The following RETREG1 variants were observed in gnomAD, a reference collection of about 807,000 sequenced individuals.
RETREG1 encodes reticulophagy regulator 1, also known as family with sequence similarity 134 member B.
In RETREG1, 44 loss-of-function variants were observed where a neutral mutation model predicts 54.8. The ratio of observed to expected loss-of-function variants is 0.80; its 90% CI spans 0.63 to 1.03. The LOEUF is 1.03. Among genes scored for constraint, RETREG1 ranks in the 50% least tolerant of loss-of-function variants. RETREG1 has a pLI of 0.00. For missense variants in RETREG1, 554 were observed against 605.1 expected (o/e 0.92, Z 0.89); for synonymous variants, 217 against 238.5 (o/e 0.91, Z 0.83).
At chr5:16,508,556 C>T (rs753957509) in intron 3 of RETREG1, 26 of 1,603,294 alleles carry the variant, frequency 1.6e-5, no homozygotes, top group Admixed American at 5.0e-5. Flanking sequence ...AGAATAAGTA[C>T]GTACGTATAT....
intron 3 of RETREG1, among the ~76,000 whole-genome samples, chr5:16,527,025 A>G (rs1740734360): frequency 6.6e-6 from 1 of 152,250 alleles, no homozygotes; most frequent in Non-Finnish European, 1.5e-5. Flanking sequence ...CAACTCTGCA[A>G]GGTGTGGGCT....
At chr5:16,584,656 C>T (rs756994757) in intron 1 of RETREG1, among the ~76,000 whole-genome samples, 2 of 152,178 alleles carry the variant, frequency 1.3e-5, no homozygotes, top group Non-Finnish European at 2.9e-5. Context: ...TTCAGAGTTT[C>T]AACTAAAGTT....
chr5:16,555,620 G>A (rs1561118693), intron 3 of RETREG1, among the ~76,000 whole-genome samples: 6 of 152,152 alleles, frequency 3.9e-5, no homozygotes. Flanking sequence ...TAATTTCTAG[G>A]TGATGAGTCT....
intron 3 of RETREG1, among the ~76,000 whole-genome samples, chr5:16,522,322 G>A (rs79030032): frequency 0.04 from 6,103 of 152,082 alleles, 416 homozygotes; most frequent in African/African-American, 0.14. Flanking sequence ...TGCCTCAGTC[G>A]CTGTCTGGAG....
intron 3 of RETREG1, among the ~76,000 whole-genome samples, chr5:16,534,884 T>G (rs1037865404): frequency 1.3e-5 from 2 of 152,204 alleles, no homozygotes; most frequent in Non-Finnish European, 2.9e-5. Context: ...AATCACTCAT[T>G]CATTCATCGG....
At chr5:16,608,124 C>T (rs529404672) in intron 1 of RETREG1, among the ~76,000 whole-genome samples, 49 of 152,300 alleles carry the variant, frequency 3.2e-4, no homozygotes, top group Non-Finnish European at 6.0e-4. Flanking sequence ...AGGTGATATG[C>T]CCACCTCAGC....
At chr5:16,529,313 A>G (rs1253707110) in intron 3 of RETREG1, among the ~76,000 whole-genome samples, 1 of 152,198 alleles carries the variant, frequency 6.6e-6, no homozygotes, top group Non-Finnish European at 1.5e-5. Context: ...TTGACCAAAA[A>G]ATAAGTTATA....
chr5:16,582,563 C>G (rs2126325371), intron 1 of RETREG1, among the ~76,000 whole-genome samples: 1 of 151,514 alleles, frequency 6.6e-6, no homozygotes, highest in East Asian at 1.9e-4. Flanking sequence ...TCCTTATGCT[C>G]AGAGACAAAG....
intron 3 of RETREG1, among the ~76,000 whole-genome samples, chr5:16,498,385 G>C (rs1739556717): frequency 6.6e-6 from 1 of 152,150 alleles, no homozygotes; most frequent in Admixed American, 6.5e-5. Context: ...TCTAAACATA[G>C]AAAAGGTACA....
Position 16,475,229 on chromosome 5 carries a change from C to A in RETREG1, c.1006G>T (p.Asp336Tyr). The change falls in exon 9 of 9, where the codon GAC becomes TAC. Residue 336 changes from aspartate (D) to tyrosine (Y), a missense_variant. By Grantham distance (160) the Asp-to-Tyr change is radical (BLOSUM62 -3). Coordinates refer to ENST00000306320, the MANE Select transcript of RETREG1 (RefSeq NM_001034850.3). ...GAGAAAACTTCCTCACTGGGTCGGT[C>A]AAGATCTGTGAAATGGATAACAGAA... ...TPQTDTSDDL[D>Y]RPSEEVFSRD... The A allele has an allele frequency of 6.2e-7, 1 of 1,611,694 alleles. No homozygotes were observed. Among genetic ancestry groups the A allele is most frequent in the South Asian group, 1.1e-5 (1 of 91,018 alleles).
chr5:16,492,995 G>A (rs958910221), intron 3 of RETREG1, among the ~76,000 whole-genome samples: 7 of 152,180 alleles, frequency 4.6e-5, no homozygotes, highest in Admixed American at 1.3e-4. Context: ...ACCAGAAGGC[G>A]CCAGTGAGTG....
rs1313751239 is a variant in RETREG1 at position 16,474,364 on chromosome 5, G to T, written c.*377C>A. ...CACAATTAATTGTTAATATTTTTCA[G>T]TAAGTTACAATAAACTGTTTTGCAT... On this transcript the variant is annotated 3_prime_UTR_variant, in exon 9 of 9. Transcript: ENST00000306320. The T allele has an allele frequency of 5.2e-4, 94 of 181,186 alleles. No individual in the cohort carries two copies. Among genetic ancestry groups the T allele is most frequent in the Non-Finnish European group, 8.1e-5 (7 of 86,658 alleles). The allele number at this position is 181,186 out of a possible 1,614,324, so 11.2% of individuals were successfully genotyped here.
At chr5:16,606,776 G>C (rs1444907766) in intron 1 of RETREG1, among the ~76,000 whole-genome samples, 1 of 152,118 alleles carries the variant, frequency 6.6e-6, no homozygotes, top group Non-Finnish European at 1.5e-5. Flanking sequence ...ATGTGCTCCT[G>C]CAATGGTGTC....
chr5:16,566,417 C>T (rs1476786054), intron 2 of RETREG1, among the ~76,000 whole-genome samples: 1 of 152,014 alleles, frequency 6.6e-6, no homozygotes, highest in Non-Finnish European at 1.5e-5. Context: ...ATCTAATTTG[C>T]TTTCTTAATT....
At chr5:16,600,953 T>C (rs528118274) in intron 1 of RETREG1, among the ~76,000 whole-genome samples, 1 of 152,142 alleles carries the variant, frequency 6.6e-6, no homozygotes, top group South Asian at 2.1e-4. Context: ...ATCAGTAGAA[T>C]GCAAAAGATA....
intron 1 of RETREG1, among the ~76,000 whole-genome samples, chr5:16,576,709 T>C (rs1293328153): frequency 3.9e-5 from 6 of 152,154 alleles, no homozygotes; most frequent in Non-Finnish European, 8.8e-5. Flanking sequence ...CTCGAACTCC[T>C]GACCTCAGGT....
At chr5:16,525,963 T>C (rs958786248) in intron 3 of RETREG1, among the ~76,000 whole-genome samples, 1 of 152,170 alleles carries the variant, frequency 6.6e-6, no homozygotes, top group African/African-American at 2.4e-5. Flanking sequence ...TCTTAAGGCC[T>C]TCAATTAATT....
intron 1 of RETREG1, among the ~76,000 whole-genome samples, chr5:16,589,303 T>G (rs1211217151): frequency 6.6e-6 from 1 of 151,490 alleles, no homozygotes; most frequent in African/African-American, 2.4e-5. Flanking sequence ...AAAGATGTTT[T>G]CAAAACTTGA....
intron 3 of RETREG1, among the ~76,000 whole-genome samples, chr5:16,544,513 C>T (rs1561114076): frequency 6.6e-6 from 1 of 152,160 alleles, no homozygotes; most frequent in Non-Finnish European, 1.5e-5. Flanking sequence ...GTTATGAAGA[C>T]TTTCAGCTGT....
Sources: gnomAD v4.1 joint callset for allele counts (sites outside exome capture counted in the v4.1 genomes callset) on GRCh38, gnomAD v4.1.1 for gene constraint, MANE v1.5 for transcripts, NCBI Gene and HGNC (gene_info 2026-07-23, HGNC 2026-07-21) for gene names.